The following GABBR2 variants were observed in gnomAD, a reference collection of about 807,000 sequenced individuals.
The protein encoded by GABBR2 is gamma-aminobutyric acid type B receptor subunit 2, also known as G-protein coupled receptor 51.
In GABBR2, 23 loss-of-function variants were observed where a neutral mutation model predicts 105.6. The ratio of observed to expected loss-of-function variants is 0.22; its 90% CI spans 0.16 to 0.31. The LOEUF (loss-of-function observed/expected upper bound fraction) is 0.31. Ranked by LOEUF, GABBR2 falls within the 10% of genes least tolerant of loss-of-function variation. The pLI is 1.00. For synonymous variants in GABBR2, 478 were observed against 499.7 expected, an observed-to-expected ratio of 0.96 and a Z score of 0.58; for missense variants, 734 against 1,245.5, an observed-to-expected ratio of 0.59 and a Z score of 6.18.
chr9:98,322,052 T>C (rs1279180634), intron 13 of GABBR2, among the ~76,000 whole-genome samples: 2 of 152,040 alleles, frequency 1.3e-5, no homozygotes, highest in African/African-American at 4.8e-5. Flanking sequence ...CTCTCCAGCC[T>C]AGTTCTGCTG....
chr9:98,648,724 C>A (rs1019856905), intron 1 of GABBR2, among the ~76,000 whole-genome samples: 16 of 152,276 alleles, frequency 1.1e-4, no homozygotes, highest in African/African-American at 3.6e-4. Context: ...CAGGCCTTAC[C>A]CCAACCCCAA....
rs774177395 is a variant in GABBR2 at position 98,440,815 on chromosome 9, C to G, written c.1236+13166G>C. 2.9e-4 allele frequency among the ~76,000 whole-genome samples: 44 copies of G among 152,212 alleles called. 2 individuals are homozygous for G. The highest frequency in any genetic ancestry group is 1.3e-4 in the Non-Finnish European group (9 of 68,034). On this transcript the variant is annotated intron_variant, in intron 7 of 18. Transcript: ENST00000259455. ...GGCGGAGCCAGTGTCCATCAGGGCCCACAGCCATGCCATCCTGTCGGCTAA... is the reference window on the plus strand; with the variant it reads ...GGCGGAGCCAGTGTCCATCAGGGCCGACAGCCATGCCATCCTGTCGGCTAA...
intron 7 of GABBR2, among the ~76,000 whole-genome samples, chr9:98,414,897 A>G (rs1832660111): frequency 6.6e-6 from 1 of 152,234 alleles, no homozygotes; most frequent in Non-Finnish European, 1.5e-5. Flanking sequence ...CAGTGGGGAC[A>G]TGAGACAGAG....
chr9:98,459,801 T>C lies in GABBR2; in HGVS notation c.1000-5584A>G, dbSNP rs28432882. Among the ~76,000 whole-genome samples the C allele has an allele frequency of 7.2e-3, 1,104 of 152,294 alleles. 10 individuals carry two copies. The highest frequency in any genetic ancestry group is 0.025 in the African/African-American group (1,048 of 41,570). On this transcript the variant is annotated intron_variant, in intron 6 of 18. Coordinates refer to ENST00000259455, the MANE Select transcript of GABBR2 (RefSeq NM_005458.8). ...AGGAATCAGGGCAAACCAAAATAGA[T>C]TGGGCCTTACAAAAACTGAAACCGA...
rs985832279 is a variant in GABBR2, at chr9:98,563,111, T to C, written c.459+14824A>G. Among the ~76,000 whole-genome samples, 8 of 144,452 alleles carry C rather than the reference T, an allele frequency of 5.5e-5. No homozygotes were observed. The South Asian group carries it at 1.8e-3, about 32-fold the overall frequency. 94.8% of individuals were successfully genotyped at this position (144,452 alleles called of 152,430 possible). A position where few individuals can be genotyped will look rare whatever the true frequency, so the allele number is the denominator to read the frequency against. On this transcript the variant is annotated intron_variant, in intron 2 of 18. Coordinates refer to ENST00000259455, the MANE Select transcript of GABBR2 (RefSeq NM_005458.8). ...AAAAAAAAAAGAGCAGCAAAAACAC[T>C]GTCTGCATGAAAAATAATGTCTCCA...
intron 1 of GABBR2, among the ~76,000 whole-genome samples, chr9:98,666,932 T>C (rs1310810538): frequency 6.6e-6 from 1 of 152,056 alleles, no homozygotes; most frequent in African/African-American, 2.4e-5. Context: ...TGCTCTTAGG[T>C]GATGGGGGCC....
At chr9:98,549,691 C>T (rs539337078) in intron 2 of GABBR2, among the ~76,000 whole-genome samples, 5 of 152,174 alleles carry the variant, frequency 3.3e-5, no homozygotes, top group Non-Finnish European at 5.9e-5. Flanking sequence ...CCTGCTTGCC[C>T]CAGTCTGTAG....
chr9:98,378,367 G>C (rs992199989), intron 11 of GABBR2, among the ~76,000 whole-genome samples: 1 of 152,184 alleles, frequency 6.6e-6, no homozygotes, highest in African/African-American at 2.4e-5. Context: ...CCTGCCAGCT[G>C]TGATGGAACC....
chr9:98,358,203 G>A (rs546851026), intron 13 of GABBR2, among the ~76,000 whole-genome samples: 151 of 152,342 alleles, frequency 9.9e-4, no homozygotes, highest in African/African-American at 3.4e-3. Context: ...GCATATGTGT[G>A]AGACTTCCCC....
At chr9:98,436,071 T>G (rs1825896886) in intron 7 of GABBR2, among the ~76,000 whole-genome samples, 1 of 151,216 alleles carries the variant, frequency 6.6e-6, no homozygotes, top group Admixed American at 6.6e-5. Context: ...CTCCTCATAC[T>G]ATAGGTGGTT....
chr9:98,443,172 T>C (rs1472711962), intron 7 of GABBR2, among the ~76,000 whole-genome samples: 2 of 152,224 alleles, frequency 1.3e-5, no homozygotes, highest in South Asian at 2.1e-4. Context: ...TCTGTCATTA[T>C]GGTAATTTGC....
chr9:98,549,854 G>C (rs1429195234), intron 2 of GABBR2, among the ~76,000 whole-genome samples: 1 of 152,148 alleles, frequency 6.6e-6, no homozygotes, highest in African/African-American at 2.4e-5. Flanking sequence ...GATAATGATG[G>C]CATCCAGGTA....
intron 1 of GABBR2, among the ~76,000 whole-genome samples, chr9:98,637,988 T>A (rs902305712): frequency 1.3e-5 from 2 of 152,188 alleles, no homozygotes; most frequent in African/African-American, 4.8e-5. Context: ...TAAGGATAGG[T>A]GTTTTTATTC....
intron 9 of GABBR2, among the ~76,000 whole-genome samples, chr9:98,393,342 A>ATCCATCCATCCATCCATCCAT (rs941128574): frequency 1.9e-5 from 2 of 104,654 alleles, no homozygotes; most frequent in African/African-American, 9.3e-5. Context: ...CATCCACCCA[A>ATCCATCCATCCATCCATCCAT]CCATCCATCC....
intron 1 of GABBR2, among the ~76,000 whole-genome samples, chr9:98,636,485 C>CTTT (rs10559312): frequency 2.4e-4 from 16 of 66,160 alleles, no homozygotes; most frequent in Non-Finnish European, 3.2e-4. Context: ...TCTTTCCTTT[C>CTTT]TTTTTTTTTT....
intron 4 of GABBR2, 146 bp from the exon 5 acceptor site, chr9:98,481,143 C>G: frequency 1.5e-6 from 1 of 649,270 alleles, no homozygotes; most frequent in Non-Finnish European, 2.8e-6. Flanking sequence ...AACCTCACCC[C>G]CAACCCCAGC....
intron 1 of GABBR2, among the ~76,000 whole-genome samples, chr9:98,688,411 A>ATATATATATATATAT (rs397737112): frequency 1.7e-4 from 25 of 148,228 alleles, no homozygotes; most frequent in South Asian, 2.2e-4. Context: ...ATATATATAT[A>ATATATATATATATAT]AAATCTCCAG....
At chr9:98,339,286 A>C (rs1239799329) in intron 13 of GABBR2, among the ~76,000 whole-genome samples, 1 of 21,740 alleles carries the variant, frequency 4.6e-5, no homozygotes, top group Non-Finnish European at 8.2e-5. Flanking sequence ...TTATATCTCA[A>C]AAAAAAAAAA....
Position 98,394,213 on chromosome 9 carries a change from T to C in GABBR2, c.1340A>G (p.Asp447Gly), listed in dbSNP as rs1281523192. ...VKVGEYNAVA[D>G]TLEIINDTIR... ...GGTGTCATTGATGATCTCCAGTGTGTCGGCCACAGCGTTGTACTCTCCCAC... is the reference window on the plus strand; with the variant it reads ...GGTGTCATTGATGATCTCCAGTGTGCCGGCCACAGCGTTGTACTCTCCCAC... Residue 447 changes from aspartate (D) to glycine (G), a missense_variant, in exon 9 of 19, where the codon GAC becomes GGC. Physicochemically the swap from Asp to Gly is moderately conservative, Grantham distance 94. Around this residue, in one of 7 missense-constraint regions of GABBR2, gnomAD observed 370 missense variants for 648.9 expected, o/e 0.57. Transcript: ENST00000259455. 22 of 1,614,068 alleles carry C rather than the reference T, an allele frequency of 1.4e-5. No individual in the cohort carries two copies. Among genetic ancestry groups the C allele is most frequent in the Non-Finnish European group, 1.8e-5 (21 of 1,179,914 alleles).
Sources: gnomAD v4.1 joint callset for allele counts (sites outside exome capture counted in the v4.1 genomes callset) on GRCh38, gnomAD v4.1.1 for gene constraint, gnomAD v4.1.1 regional missense constraint, MANE v1.5 for transcripts, NCBI Gene and HGNC (gene_info 2026-07-23, HGNC 2026-07-21) for gene names.